CDH2: variants seen among roughly 807,000 people sequenced by gnomAD.
The protein encoded by CDH2 is cadherin 2.
In CDH2, 17 loss-of-function variants were observed where a neutral mutation model predicts 92.0. The ratio of observed to expected loss-of-function variants is 0.18; its 90% CI spans 0.13 to 0.28. CDH2 has a LOEUF of 0.28. Among genes scored for constraint, CDH2 ranks in the 10% least tolerant of loss-of-function variants. CDH2 has a pLI of 1.00. For missense variants in CDH2, 862 were observed against 1,133.1 expected, an observed-to-expected ratio of 0.76 and a Z score of 3.44; for synonymous variants, 419 against 415.9, an observed-to-expected ratio of 1.01 and a Z score of -0.09.
intron 2 of CDH2, among the ~76,000 whole-genome samples, chr18:28,020,827 C>T (rs1159498009): frequency 1.3e-5 from 2 of 151,914 alleles, no homozygotes; most frequent in Non-Finnish European, 2.9e-5. Context: ...AATAATAATG[C>T]ATTGTTATTT....
chr18:28,168,827 C>A (rs2016422932), intron 1 of CDH2, among the ~76,000 whole-genome samples: 1 of 151,864 alleles, frequency 6.6e-6, no homozygotes, highest in Non-Finnish European at 1.5e-5. Flanking sequence ...AAAAAAAAAT[C>A]AACTAAGTAG....
intron 2 of CDH2, among the ~76,000 whole-genome samples, chr18:28,033,891 T>TA (rs970352516): frequency 5.3e-5 from 8 of 152,034 alleles, no homozygotes; most frequent in African/African-American, 1.9e-4. Flanking sequence ...TAAAAGATAC[T>TA]AAAAAAATGC....
At position 27,963,527 on chromosome 18, in the gene CDH2, A is replaced by AAAAG. The variant is rs2011464199; in HGVS notation, c.2350-10_2350-7dup. ...AGCTGGCTCAAGTCATAGTCCTGCA[A>AAAAG]AAAGACAAAATCAAAAACCGATGGG... On this transcript the variant is annotated splice_region_variant and splice_polypyrimidine_tract_variant and intron_variant, in intron 14 of 15. Coordinates refer to ENST00000269141, the MANE Select transcript of CDH2 (RefSeq NM_001792.5). 1 of 1,613,160 alleles carries AAAAG rather than the reference A, an allele frequency of 6.2e-7. No individual in the cohort carries two copies. Among genetic ancestry groups the AAAAG allele is most frequent in the Non-Finnish European group, 8.5e-7 (1 of 1,179,386 alleles).
At chr18:28,019,472 ATGT>A (rs1382759357) in intron 2 of CDH2, among the ~76,000 whole-genome samples, 4 of 152,058 alleles carry the variant, frequency 2.6e-5, no homozygotes, top group Non-Finnish European at 1.5e-5. Context: ...TATTCTATTA[ATGT>A]TGTACTGTTA....
intron 14 of CDH2, among the ~76,000 whole-genome samples, chr18:27,979,862 T>A (rs1322014188): frequency 6.6e-6 from 1 of 152,208 alleles, no homozygotes; most frequent in Non-Finnish European, 1.5e-5. Flanking sequence ...GGAAATGTTC[T>A]TTGTTGGTGT....
At chr18:28,148,250 A>C (rs1197354705) in intron 1 of CDH2, among the ~76,000 whole-genome samples, 2 of 152,224 alleles carry the variant, frequency 1.3e-5, no homozygotes, top group Admixed American at 6.5e-5. Context: ...TTTAAAAATA[A>C]AATTATAATA....
At position 28,156,463 on chromosome 18, in the gene CDH2, C is replaced by T. The variant is rs746807464; in HGVS notation, c.61-8679G>A. 9.0e-3 allele frequency among the ~76,000 whole-genome samples: 1,089 copies of T among 121,668 alleles called. 40 individuals are homozygous for T. The highest frequency in any genetic ancestry group is 0.045 in the African/African-American group (1,022 of 22,610). 79.8% of individuals were successfully genotyped at this position (121,668 alleles called of 152,430 possible). Reference sequence around the variant, plus strand: ...GTATAGCATGTCACCTTCCCAGGTACAGCATGTCACCTTCCCAGGTACAGA... The same window carrying T: ...GTATAGCATGTCACCTTCCCAGGTATAGCATGTCACCTTCCCAGGTACAGA... On this transcript the variant is annotated intron_variant, in intron 1 of 15. Coordinates refer to ENST00000269141, the MANE Select transcript of CDH2 (RefSeq NM_001792.5).
intron 1 of CDH2, among the ~76,000 whole-genome samples, chr18:28,168,067 C>CG (rs34862462): frequency 4.6e-5 from 7 of 152,182 alleles, no homozygotes; most frequent in East Asian, 1.9e-4. Context: ...TAAGCGGGAG[C>CG]GGGGGGATTA....
chr18:28,043,465 T>TATATATATATATATATATATATAA (rs2013993385), intron 2 of CDH2, among the ~76,000 whole-genome samples: 1 of 53,018 alleles, frequency 1.9e-5, no homozygotes, highest in African/African-American at 5.3e-5. Context: ...TAAATAAATA[T>TATATATATATATATATATATATAA]ATATATATAT....
chr18:28,006,497 C>G (rs1482279693), intron 5 of CDH2, among the ~76,000 whole-genome samples: 5 of 152,012 alleles, frequency 3.3e-5, no homozygotes, highest in Non-Finnish European at 7.4e-5. Flanking sequence ...GAGGGCGGAT[C>G]ACCTGAGGTC....
chr18:27,989,990 GTTTTGA>G, intron 10 of CDH2, 101 bp downstream of exon 10: 1 of 960,386 alleles, frequency 1.0e-6, no homozygotes, highest in South Asian at 1.8e-5. Flanking sequence ...TTAATAAGTA[GTTTTGA>G]TTGCAATGAA....
rs569746821 is a variant in CDH2 at position 28,132,399 on chromosome 18, A to G, written c.172+15274T>C. On this transcript the variant is annotated intron_variant, in intron 2 of 15. Coordinates refer to ENST00000269141, the MANE Select transcript of CDH2 (RefSeq NM_001792.5). ...TTTCCTTCTCTCCACTCTGCCTGGA[A>G]GTGGATGATTGACAAGGATTCTTGA... is the stretch of plus-strand genomic sequence containing the variant. Among the ~76,000 whole-genome samples, 4 of 152,304 alleles carry G rather than the reference A, an allele frequency of 2.6e-5. 1 individual carries two copies. In the South Asian group the frequency reaches 8.3e-4, roughly 32 times the overall value.
At chr18:28,080,861 CCAGATTTCCTGTGATATA>C (rs1368807480) in intron 2 of CDH2, among the ~76,000 whole-genome samples, 1 of 152,172 alleles carries the variant, frequency 6.6e-6, no homozygotes, top group Non-Finnish European at 1.5e-5. Flanking sequence ...TCTGCTTACA[CCAGATTTCCTGTGATATA>C]CAGATTTCCT....
At chr18:28,127,421 C>G (rs1399781226) in intron 2 of CDH2, among the ~76,000 whole-genome samples, 1 of 152,158 alleles carries the variant, frequency 6.6e-6, no homozygotes, top group Non-Finnish European at 1.5e-5. Flanking sequence ...CCAGCCCTAT[C>G]TGAAATTGGG....
chr18:27,975,015 C>T (rs2011779318), intron 14 of CDH2, among the ~76,000 whole-genome samples: 1 of 152,124 alleles, frequency 6.6e-6, no homozygotes, highest in Non-Finnish European at 1.5e-5. Flanking sequence ...CAAAACACCC[C>T]AATGAACCAG....
intron 6 of CDH2, among the ~76,000 whole-genome samples, chr18:27,936,198 C>T (rs1909014929): frequency 6.6e-6 from 1 of 152,204 alleles, no homozygotes; most frequent in Admixed American, 6.5e-5. Flanking sequence ...TATCTATATA[C>T]ATTTACATTC....
chr18:28,155,533 T>A, intron 1 of CDH2, among the ~76,000 whole-genome samples: 1 of 152,164 alleles, frequency 6.6e-6, no homozygotes, highest in East Asian at 1.9e-4. Context: ...GGACAAAAGA[T>A]GCACAAGTGG....
intron 14 of CDH2, among the ~76,000 whole-genome samples, chr18:27,979,355 G>A (rs2011962484): frequency 6.6e-6 from 1 of 152,320 alleles, no homozygotes; most frequent in East Asian, 1.9e-4. Flanking sequence ...AGGATGTGGA[G>A]CAATTGGGAC....
In CDH2 at chr18:28,006,076, A is replaced by G. The variant is rs1056196445; in HGVS notation, c.703-83T>C. On this transcript the variant is annotated intron_variant, in intron 5 of 15. Transcript: ENST00000269141. Reference sequence around the variant, plus strand: ...TACATCATCATAAGGCTACAAAAATAGCAAGAATAAACTCACAGCTGAAAA... The same window carrying G: ...TACATCATCATAAGGCTACAAAAATGGCAAGAATAAACTCACAGCTGAAAA... The G allele has an allele frequency of 3.6e-6, 4 of 1,125,042 alleles. No individual in the cohort carries two copies. The African/African-American group carries it at 6.2e-5, about 17-fold the overall frequency. The allele number at this position is 1,125,042 out of a possible 1,614,324, so 69.7% of individuals were successfully genotyped here.
Sources: gnomAD v4.1 joint callset for allele counts (sites outside exome capture counted in the v4.1 genomes callset) on GRCh38, gnomAD v4.1.1 for gene constraint, MANE v1.5 for transcripts, NCBI Gene and HGNC (gene_info 2026-07-23, HGNC 2026-07-21) for gene names.